Variants in ATP6V0B observed in about 807,000 individuals in gnomAD.
ATP6V0B encodes V-type proton ATPase 21 kDa proteolipid subunit c''.
In ATP6V0B, 4 loss-of-function variants were observed where a neutral mutation model predicts 26.2. The observed-to-expected ratio is 0.15, with a 90% confidence interval of 0.08 to 0.35. ATP6V0B has a LOEUF of 0.35. ATP6V0B is among the 10% of genes least tolerant of loss of function. ATP6V0B has a pLI of 1.00. For synonymous variants in ATP6V0B, 110 were observed against 105.8 expected, an observed-to-expected ratio of 1.04 and a Z score of -0.24; for missense variants, 175 against 272.5, an observed-to-expected ratio of 0.64 and a Z score of 2.52.
Position 43,978,279 on chromosome 1 carries a change from G to T in ATP6V0B, c.*272G>T. ...TTCCTAGTGTTTGTGAAATAAACTT[G>T]GTATTTGTCTGGGTCAGTGCAGCTT... is the stretch of plus-strand genomic sequence containing the variant. On this transcript the variant is annotated 3_prime_UTR_variant, in exon 8 of 8. Coordinates refer to ENST00000472174, the MANE Select transcript of ATP6V0B (RefSeq NM_004047.5). 1.8e-6 allele frequency: 1 copy of T among 560,160 alleles called. No individual in the cohort carries two copies. Among genetic ancestry groups the T allele is most frequent in the Non-Finnish European group, 3.2e-6 (1 of 312,210 alleles). The allele number at this position is 560,160 out of a possible 1,614,324, so 34.7% of individuals were successfully genotyped here.
rs1427826706 is a variant in ATP6V0B, at chr1:43,978,099, T to A, written c.*92T>A. On this transcript the variant is annotated 3_prime_UTR_variant, in exon 8 of 8. Coordinates refer to ENST00000472174, the MANE Select transcript of ATP6V0B (RefSeq NM_004047.5). ...CTGTGTCCCTTAGCCTTTCAGAGGCTTGGTGTTCAGGGCCCTCCCTGCACT... is the reference window on the plus strand; with the variant it reads ...CTGTGTCCCTTAGCCTTTCAGAGGCATGGTGTTCAGGGCCCTCCCTGCACT... The A allele has an allele frequency of 2.0e-5, 32 of 1,585,252 alleles. No individual in the cohort carries two copies. The highest frequency in any genetic ancestry group is 3.3e-5 in the Admixed American group (2 of 59,950).
chr1:43,975,744 AG>A, intron 1 of ATP6V0B, 55 bp from the exon 2 acceptor site: 1 of 1,586,762 alleles, frequency 6.3e-7, no homozygotes. Flanking sequence ...TTTAGGTTGA[AG>A]AACTTCTCTC....
chr1:43,978,182 G>C lies in ATP6V0B; in HGVS notation c.*175G>C. 1.1e-6 allele frequency: 1 copy of C among 890,496 alleles called. No individual in the cohort carries two copies. The highest frequency in any genetic ancestry group is 2.0e-5 in the Admixed American group (1 of 49,770). 55.2% of individuals were successfully genotyped at this position (890,496 alleles called of 1,614,324 possible). On this transcript the variant is annotated 3_prime_UTR_variant, in exon 8 of 8. Transcript: ENST00000472174. ...GCAGTCCAGGCCGAGTCCTCAGTGC[G>C]GGGAGCAGGCTGCTGCTGCTGACTC...
rs774120589 is a variant in ATP6V0B, at chr1:43,976,829, G to A, written c.400+5G>A. 6.2e-6 allele frequency: 10 copies of A among 1,614,060 alleles called. No homozygotes were observed. In the South Asian group the frequency reaches 9.9e-5, roughly 16 times the overall value. ...GCCATCGGAACTACCATGCAGGTGG[G>A]TGGATGGGCGTATGAATGCAAAATG... On this transcript the variant is annotated splice_donor_5th_base_variant and intron_variant, in intron 6 of 7. Transcript: ENST00000472174. The surrounding 1 kb of genome is among the most constrained non-coding windows in gnomAD (Gnocchi z 4.6).
Position 43,978,221 on chromosome 1 carries a change from A to T in ATP6V0B, c.*214A>T. 1.5e-6 allele frequency: 1 copy of T among 647,100 alleles called. No individual in the cohort carries two copies. Among genetic ancestry groups the T allele is most frequent in the Non-Finnish European group, 2.7e-6 (1 of 369,624 alleles). The allele number at this position is 647,100 out of a possible 1,614,324, so 40.1% of individuals were successfully genotyped here. ...TGCTGCTGACTCTGTGCAGCTGCGC[A>T]CCTGTGTCCCCCACCTCCACCCTCA... is the stretch of plus-strand genomic sequence containing the variant. On this transcript the variant is annotated 3_prime_UTR_variant, in exon 8 of 8. Transcript: ENST00000472174.
chr1:43,975,237 C>G (rs1190044490), intron 1 of ATP6V0B, 130 bp downstream of exon 1: 13 of 1,163,406 alleles, frequency 1.1e-5, no homozygotes, highest in South Asian at 1.4e-5. Flanking sequence ...TGGGGACTTG[C>G]GCCTGCGAGG....
At position 43,976,274 on chromosome 1, in the gene ATP6V0B, G is replaced by C; in HGVS notation, c.201-28G>C. 6.2e-7 allele frequency: 1 copy of C among 1,612,630 alleles called. No homozygotes were observed. The highest frequency in any genetic ancestry group is 8.5e-7 in the Non-Finnish European group (1 of 1,178,820). On this transcript the variant is annotated intron_variant, in intron 3 of 7. Transcript: ENST00000472174. The surrounding 1 kb of genome is among the most constrained non-coding windows in gnomAD (Gnocchi z 4.6). ...TGAGGGCAGTGACAGCTTGGGCTCT[G>C]CTCATCAGTTTTTTATCCTTCCACC...
rs1241457507 is a variant in ATP6V0B, at chr1:43,977,144, T to G, written c.519T>G (p.Phe173Leu). The G allele has an allele frequency of 6.2e-7, 1 of 1,614,274 alleles. No homozygotes were observed. The part of the protein sequence containing the change: ...ALADAQNPSL[F>L]VKILIVEIFG... ...CCGATGCTCAGAACCCCAGCCTCTT[T>G]GTAAAGATTCTCATCGTGGAGATCT... The change falls in exon 7 of 8, where the codon TTT becomes TTG. Residue 173 changes from phenylalanine to leucine, a missense_variant. Transcript: ENST00000472174.
intron 7 of ATP6V0B, 92 bp downstream of exon 7, chr1:43,977,308 CTA>C (rs1407889711): frequency 6.2e-7 from 1 of 1,608,550 alleles, no homozygotes; most frequent in Non-Finnish European, 8.5e-7. Context: ...CCTTCTCTAC[CTA>C]TAACTATAGA....
At chr1:43,977,831 C>CT in intron 7 of ATP6V0B, 150 bp from the exon 8 acceptor site, 1 of 1,584,274 alleles carries the variant, frequency 6.3e-7, no homozygotes, top group Non-Finnish European at 8.6e-7. Context: ...CCCTGTCTGC[C>CT]TTGTCTGTCA....
intron 7 of ATP6V0B, 113 bp downstream of exon 7, chr1:43,977,329 A>G: frequency 1.3e-6 from 2 of 1,585,882 alleles, no homozygotes; most frequent in Non-Finnish European, 8.6e-7. Context: ...GATTCCCCCA[A>G]ACAGCTTCCA....
intron 1 of ATP6V0B, 151 bp from the exon 2 acceptor site, chr1:43,975,649 G>C: frequency 1.2e-6 from 1 of 818,828 alleles, no homozygotes; most frequent in Non-Finnish European, 2.1e-6. Context: ...CTAAGCAGAG[G>C]AATCTGTCTA....
At position 43,977,966 on chromosome 1, in the gene ATP6V0B, G is replaced by T; in HGVS notation, c.592-15G>T. 1.2e-6 allele frequency: 2 copies of T among 1,614,180 alleles called. No individual in the cohort carries two copies. Among genetic ancestry groups the T allele is most frequent in the Middle Eastern group, 1.6e-4 (1 of 6,062 alleles). On this transcript the variant is annotated splice_polypyrimidine_tract_variant and intron_variant, in intron 7 of 7. Coordinates refer to ENST00000472174, the MANE Select transcript of ATP6V0B (RefSeq NM_004047.5). ...CCTCTGTCCCTGCCTGATTTCTCCT[G>T]TTCTTTTTTTGCAGACCTCCAGAGT...
chr1:43,977,452 A>G (rs1014381613), intron 7 of ATP6V0B: 45 of 1,453,950 alleles, frequency 3.1e-5, no homozygotes, highest in Middle Eastern at 1.8e-4. Flanking sequence ...AATGCGTTGT[A>G]TCTGTATAGC....
chr1:43,976,187 TG>T lies in ATP6V0B; in HGVS notation c.200+16del, dbSNP rs1399012089. ...TGGGGCAGCCTGGTGAGTATTGGGG[TG>T]GTGGGACTGGGGGCAGGGGCTGAGT... On this transcript the variant is annotated intron_variant, in intron 3 of 7. Transcript: ENST00000472174. The surrounding 1 kb of genome is among the most constrained non-coding windows in gnomAD (Gnocchi z 4.6). The T allele has an allele frequency of 1.3e-5, 21 of 1,612,300 alleles. No homozygotes were observed. Among genetic ancestry groups the T allele is most frequent in the Non-Finnish European group, 1.4e-5 (16 of 1,178,826 alleles).
chr1:43,977,946 G>A, intron 7 of ATP6V0B, 35 bp from the exon 8 acceptor site: 1 of 1,614,086 alleles, frequency 6.2e-7, no homozygotes, highest in South Asian at 1.1e-5. Flanking sequence ...CTATTCCTCT[G>A]TCCCTGCCTG....
chr1:43,976,479 A>C lies in ATP6V0B; in HGVS notation c.278+100A>C. 6.5e-7 allele frequency: 1 copy of C among 1,536,582 alleles called. No homozygotes were observed. The highest frequency in any genetic ancestry group is 9.0e-7 in the Non-Finnish European group (1 of 1,114,650). On this transcript the variant is annotated intron_variant, in intron 4 of 7. Coordinates refer to ENST00000472174, the MANE Select transcript of ATP6V0B (RefSeq NM_004047.5). This position sits in a 1 kb window ranked among gnomAD's most constrained non-coding sequence, Gnocchi z 4.6. ...TGTTTCTGACAAGCCACCTTGTGGG[A>C]TGGGATGTTATAGGGGAAAGATTGC...
rs529893444 is a variant in ATP6V0B at position 43,974,981 on chromosome 1, A to G, written c.-60A>G. 8.3e-7 allele frequency: 1 copy of G among 1,211,642 alleles called. No individual in the cohort carries two copies. 75.1% of individuals were successfully genotyped at this position (1,211,642 alleles called of 1,614,324 possible). On this transcript the variant is annotated 5_prime_UTR_variant, in exon 1 of 8. Coordinates refer to ENST00000472174, the MANE Select transcript of ATP6V0B (RefSeq NM_004047.5). ...GGACAGACTGCGGGACGGACGGTGG[A>G]CGCTGGGACGCGTTTGTAGCTCCGG...
chr1:43,977,804 ACT>A (rs1224409428), intron 7 of ATP6V0B, 175 bp from the exon 8 acceptor site: 3 of 1,554,234 alleles, frequency 1.9e-6, no homozygotes, highest in African/African-American at 1.4e-5. Context: ...CCACAGCGTA[ACT>A]CTGTGGTTGT....
Sources: gnomAD v4.1 joint callset for allele counts on GRCh38, gnomAD v4.1.1 for gene constraint, Gnocchi (gnomAD v3.1) non-coding constraint, MANE v1.5 for transcripts, NCBI Gene and HGNC (gene_info 2026-07-23, HGNC 2026-07-21) for gene names.